The following SLC37A1 variants were observed in gnomAD, a reference collection of about 807,000 sequenced individuals.
SLC37A1 encodes the protein solute carrier family 37 member 1, also known as glucose-6-phosphate exchanger SLC37A1.
In SLC37A1, 49 loss-of-function variants were observed where a neutral mutation model predicts 75.3. The ratio of observed to expected loss-of-function variants is 0.65; its 90% CI spans 0.52 to 0.83. The LOEUF (loss-of-function observed/expected upper bound fraction) is 0.83. SLC37A1 is among the 40% of genes least tolerant of loss of function. The pLI, the probability that SLC37A1 is intolerant of heterozygous loss-of-function variation, is 0.00. For synonymous variants in SLC37A1, 268 were observed against 292.1 expected, an observed-to-expected ratio of 0.92 and a Z score of 0.84; for missense variants, 566 against 695.0, an observed-to-expected ratio of 0.81 and a Z score of 2.09.
In SLC37A1 at chr21:42,518,528, A is replaced by C. The variant is rs1383028393; in HGVS notation, c.56+18A>C. The stretch of plus-strand genomic sequence containing the variant: ...GATCAGTGGTGAGTCCTGGTGGGGC[A>C]GGCCCTTGGCATGGAGCTGTGTATA... On this transcript the variant is annotated intron_variant, in intron 2 of 19. Coordinates refer to ENST00000352133, the MANE Select transcript of SLC37A1 (RefSeq NM_001320537.2). The C allele has an allele frequency of 6.2e-7, 1 of 1,613,942 alleles. No homozygotes were observed.
intron 1 of SLC37A1, among the ~76,000 whole-genome samples, chr21:42,516,048 C>A (rs571138576): frequency 5.2e-4 from 79 of 152,188 alleles, no homozygotes; most frequent in Non-Finnish European, 9.3e-4. Flanking sequence ...CATGAGCCAC[C>A]ATGCCTGGCC....
At chr21:42,554,855 C>T (rs2055644698) in intron 10 of SLC37A1, among the ~76,000 whole-genome samples, 2 of 152,186 alleles carry the variant, frequency 1.3e-5, no homozygotes, top group Non-Finnish European at 2.9e-5. Flanking sequence ...TGTAGAGGCT[C>T]CTCACATTGC....
chr21:42,566,800 G>A (rs372915665), intron 15 of SLC37A1, among the ~76,000 whole-genome samples, 185 bp from the exon 16 acceptor site: 1 of 152,210 alleles, frequency 6.6e-6, no homozygotes, highest in Non-Finnish European at 1.5e-5. Flanking sequence ...CCCTTCGAGG[G>A]TGGATGAGCC....
At chr21:42,502,330 C>T (rs919233675) in exon 2 of SLC37A1, 1 of 152,152 alleles carries the variant, frequency 6.6e-6, no homozygotes, top group East Asian at 1.9e-4. Context: ...AGCCTAAATA[C>T]ATGTTGCTGC....
At chr21:42,576,468 A>G (rs1238063100) in intron 18 of SLC37A1, among the ~76,000 whole-genome samples, 1 of 152,212 alleles carries the variant, frequency 6.6e-6, no homozygotes, top group Non-Finnish European at 1.5e-5. Context: ...TTCTGTAGCT[A>G]ACACCCTACA....
chr21:42,570,150 T>A, intron 17 of SLC37A1, among the ~76,000 whole-genome samples: 1 of 110,864 alleles, frequency 9.0e-6, no homozygotes, highest in African/African-American at 2.9e-5. Context: ...GGCCTGGTTC[T>A]GAGAAGCGGC....
chr21:42,562,076 A>G lies in SLC37A1; in HGVS notation c.982-2A>G, dbSNP rs1359240079. Reference sequence around the variant, plus strand: ...GAGACGCCTGACTGCTCTCTCTTTCAGGGCGTGATAGAGTTCTCACTGTGT... The same window carrying G: ...GAGACGCCTGACTGCTCTCTCTTTCGGGGCGTGATAGAGTTCTCACTGTGT... On this transcript the variant is annotated splice_acceptor_variant, in intron 11 of 19. Transcript: ENST00000352133. LOFTEE classifies it high-confidence loss of function. The G allele has an allele frequency of 1.9e-6, 3 of 1,613,824 alleles. No individual in the cohort carries two copies. The highest frequency in any genetic ancestry group is 2.5e-6 in the Non-Finnish European group (3 of 1,179,810).
intron 6 of SLC37A1, among the ~76,000 whole-genome samples, chr21:42,540,965 C>A (rs192952844): frequency 6.6e-6 from 1 of 152,164 alleles, no homozygotes; most frequent in Admixed American, 6.5e-5. Context: ...GTTAGACCAG[C>A]GGCTCCCAGG....
intron 2 of SLC37A1, among the ~76,000 whole-genome samples, chr21:42,508,439 T>A (rs925611795): frequency 6.6e-6 from 1 of 152,174 alleles, no homozygotes; most frequent in Non-Finnish European, 1.5e-5. Context: ...TAAGAGTATG[T>A]CTTTTTGCAG....
At chr21:42,513,331 G>A (rs888716722), upstream of SLC37A1, among the ~76,000 whole-genome samples, 5 of 152,268 alleles carry the variant, frequency 3.3e-5, no homozygotes, top group African/African-American at 1.2e-4. Flanking sequence ...TGGGACACAA[G>A]TTGGCTTACA....
chr21:42,579,139 A>T (rs1214831506), intron 18 of SLC37A1, among the ~76,000 whole-genome samples: 1 of 152,226 alleles, frequency 6.6e-6, no homozygotes, highest in Non-Finnish European at 1.5e-5. Flanking sequence ...GCACGGAGTT[A>T]AAGCTCTGGG....
intron 4 of SLC37A1, 105 bp from the exon 5 acceptor site, chr21:42,535,367 G>A: frequency 1.0e-6 from 1 of 969,234 alleles, no homozygotes; most frequent in South Asian, 1.5e-5. Flanking sequence ...GTTTCACTAA[G>A]TACACCCCGA....
intron 5 of SLC37A1, among the ~76,000 whole-genome samples, 190 bp from the exon 6 acceptor site, chr21:42,539,322 T>G (rs996224140): frequency 6.6e-6 from 1 of 152,230 alleles, no homozygotes; most frequent in Non-Finnish European, 1.5e-5. Flanking sequence ...ATGTTGCCAG[T>G]CTCTGGTTTC....
At position 42,579,845 on chromosome 21, in the gene SLC37A1, C is replaced by T. The variant is rs539236818; in HGVS notation, c.1586+45C>T. 13 of 1,593,844 alleles carry T rather than the reference C, an allele frequency of 8.2e-6. No homozygotes were observed. The South Asian group carries it at 1.0e-4, about 12-fold the overall frequency. On this transcript the variant is annotated intron_variant, in intron 19 of 19. Transcript: ENST00000352133. ...TGTCTCCGTGCGTGAAAGCCGGCTC[C>T]AAAGTGCCTTCTGTCCTATCTGCCT...
intron 18 of SLC37A1, among the ~76,000 whole-genome samples, chr21:42,579,173 G>A (rs186526492): frequency 2.0e-5 from 3 of 152,378 alleles, no homozygotes; most frequent in East Asian, 1.9e-4. Context: ...CAAGGCTGAG[G>A]CAGTGATGTT....
Position 42,527,152 on chromosome 21 carries a change from G to C in SLC37A1, c.138+1295G>C, listed in dbSNP as rs150420824. Among the ~76,000 whole-genome samples the C allele has an allele frequency of 3.3e-5, 5 of 152,318 alleles. No homozygotes were observed. In the East Asian group the frequency reaches 9.6e-4, roughly 29 times the overall value. Reference sequence around the variant, plus strand: ...GTAGGGGAAGAAAAACAGCTTTACAGGTGGGAGAACTGCCTTGAGTGCTAC... The same window carrying C: ...GTAGGGGAAGAAAAACAGCTTTACACGTGGGAGAACTGCCTTGAGTGCTAC... On this transcript the variant is annotated intron_variant, in intron 3 of 19. Coordinates refer to ENST00000352133, the MANE Select transcript of SLC37A1 (RefSeq NM_001320537.2).
At chr21:42,525,026 G>T (rs148491641) in intron 2 of SLC37A1, among the ~76,000 whole-genome samples, 145 of 152,304 alleles carry the variant, frequency 9.5e-4, no homozygotes, top group Admixed American at 1.6e-3. Context: ...GATCGTGCCT[G>T]TGTAATGAGG....
intron 6 of SLC37A1, 67 bp downstream of exon 6, chr21:42,539,714 G>T: frequency 6.7e-7 from 1 of 1,501,222 alleles, no homozygotes; most frequent in Non-Finnish European, 9.0e-7. Context: ...GAGTGTTTAT[G>T]TCACGTCACC....
At chr21:42,541,562 A>G (rs913343798) in intron 6 of SLC37A1, among the ~76,000 whole-genome samples, 3 of 152,198 alleles carry the variant, frequency 2.0e-5, no homozygotes, top group Non-Finnish European at 4.4e-5. Context: ...GATTCTTCAA[A>G]AGTGCAGAGA....
Sources: gnomAD v4.1 joint callset for allele counts (sites outside exome capture counted in the v4.1 genomes callset) on GRCh38, gnomAD v4.1.1 for gene constraint, MANE v1.5 for transcripts, NCBI Gene and HGNC (gene_info 2026-07-23, HGNC 2026-07-21) for gene names.